C12orf42: variants seen among roughly 807,000 people sequenced by gnomAD.
C12orf42 encodes chromosome 12 open reading frame 42, also known as uncharacterized protein C12orf42.
Under a neutral mutation model 21.6 loss-of-function variants are expected in C12orf42, and 25 were observed. That is an observed-to-expected ratio of 1.16 (90% CI 0.84 to 1.62). The LOEUF (loss-of-function observed/expected upper bound fraction) is 1.62. Ranked by LOEUF, C12orf42 falls within the 40% of genes most tolerant of loss-of-function variation. The pLI is 0.00. For missense variants in C12orf42, 483 were observed against 459.3 expected (o/e 1.05, Z -0.47); for synonymous variants, 174 against 175.0 (o/e 0.99, Z 0.05).
chr12:103,280,894 A>T (rs889495151), intron 4 of C12orf42, among the ~76,000 whole-genome samples: 2 of 152,164 alleles, frequency 1.3e-5, no homozygotes, highest in African/African-American at 4.8e-5. Context: ...GAAAATGTGG[A>T]CTTCCAACAC....
chr12:103,135,775 T>C, the C12orf42 span, among the ~76,000 whole-genome samples: 2 of 152,172 alleles, frequency 1.3e-5, no homozygotes, highest in Non-Finnish European at 2.9e-5. Flanking sequence ...ATAAATGTAA[T>C]ACCTGATATC....
At chr12:103,393,543 A>G (rs1048224877) in intron 3 of C12orf42, among the ~76,000 whole-genome samples, 2 of 152,136 alleles carry the variant, frequency 1.3e-5, no homozygotes, top group African/African-American at 4.8e-5. Flanking sequence ...AGGCTCTTAT[A>G]TGACAAATAT....
At chr12:103,109,379 C>T in the C12orf42 span, among the ~76,000 whole-genome samples, 1 of 151,866 alleles carries the variant, frequency 6.6e-6, no homozygotes, top group Non-Finnish European at 1.5e-5. Context: ...AGGCACATGC[C>T]AGAGCCTGTG....
At chr12:103,105,210 G>A in the C12orf42 span, among the ~76,000 whole-genome samples, 1 of 152,066 alleles carries the variant, frequency 6.6e-6, no homozygotes, top group African/African-American at 2.4e-5. Context: ...CAATCATATG[G>A]GAGAATGATC....
chr12:103,231,349 C>A, the C12orf42 span, among the ~76,000 whole-genome samples: 1 of 152,306 alleles, frequency 6.6e-6, no homozygotes, highest in East Asian at 1.9e-4. Flanking sequence ...GGTTCACCCT[C>A]GGTGCTGTAC....
intron 2 of C12orf42, among the ~76,000 whole-genome samples, chr12:103,424,692 C>T (rs563811628): frequency 6.0e-4 from 92 of 152,320 alleles, no homozygotes; most frequent in African/African-American, 1.8e-3. Flanking sequence ...GAGATTCCCT[C>T]GGGTACCTAC....
At chr12:103,358,322 C>A (rs2043769001) in intron 4 of C12orf42, among the ~76,000 whole-genome samples, 1 of 152,014 alleles carries the variant, frequency 6.6e-6, no homozygotes, top group African/African-American at 2.4e-5. Context: ...AATTTTGTGG[C>A]ATTTTACTTA....
At chr12:103,406,351 A>G (rs1317390) in intron 2 of C12orf42, among the ~76,000 whole-genome samples, 28,135 of 152,162 alleles carry the variant, frequency 0.18, 3,091 homozygotes, top group East Asian at 0.35. Flanking sequence ...AAGAGGTTGT[A>G]TGGTCAAGAA....
At chr12:103,399,333 G>T (rs557964068) in intron 3 of C12orf42, among the ~76,000 whole-genome samples, 3 of 151,416 alleles carry the variant, frequency 2.0e-5, no homozygotes, top group Non-Finnish European at 4.4e-5. Flanking sequence ...GATTCTAAAG[G>T]CTCACTATTA....
intron 2 of C12orf42, chr12:103,431,372 C>G (rs1228790308): frequency 2.0e-5 from 3 of 152,188 alleles, no homozygotes; most frequent in Admixed American, 6.5e-5. Flanking sequence ...CGCAAAGCCA[C>G]ATGAATAGCT....
At chr12:103,488,443 C>T (rs1954979827) in intron 1 of C12orf42, among the ~76,000 whole-genome samples, 1 of 152,138 alleles carries the variant, frequency 6.6e-6, no homozygotes, top group South Asian at 2.1e-4. Flanking sequence ...GGTTGCTCTT[C>T]TTGCGGAGTA....
chr12:103,322,270 A>G (rs550351055), intron 4 of C12orf42, among the ~76,000 whole-genome samples: 193 of 152,246 alleles, frequency 1.3e-3, no homozygotes, highest in Non-Finnish European at 2.1e-3. Flanking sequence ...ACCCAAGGTG[A>G]TACCCTACCC....
Position 103,325,632 on chromosome 12 carries a change from T to C in C12orf42, c.260-19287A>G, listed in dbSNP as rs565938070. On this transcript the variant is annotated intron_variant, in intron 4 of 5. Coordinates refer to ENST00000548883, the MANE Select transcript of C12orf42 (RefSeq NM_198521.5). ...TCCTTTAATAAACATAAGTGTGTGC[T>C]TTAGCAAGCATTTGTCAACAGTTCT... Among the ~76,000 whole-genome samples, 3 of 152,350 alleles carry C rather than the reference T, an allele frequency of 2.0e-5. No homozygotes were observed. The East Asian group carries it at 5.8e-4, about 29-fold the overall frequency.
chr12:103,351,717 T>C (rs2043113974), intron 4 of C12orf42, among the ~76,000 whole-genome samples: 1 of 152,036 alleles, frequency 6.6e-6, no homozygotes, highest in Non-Finnish European at 1.5e-5. Flanking sequence ...CCCTAAGAAG[T>C]AGAGCCCATT....
intron 4 of C12orf42, among the ~76,000 whole-genome samples, chr12:103,285,131 A>G (rs566009400): frequency 1.4e-3 from 209 of 152,304 alleles, no homozygotes; most frequent in African/African-American, 4.8e-3. Context: ...AGCCTCCTGG[A>G]TACTGCTGTT....
the C12orf42 span, among the ~76,000 whole-genome samples, chr12:103,543,285 G>A: frequency 3.3e-5 from 5 of 152,146 alleles, no homozygotes; most frequent in African/African-American, 1.2e-4. Flanking sequence ...AGCAACTCAT[G>A]ACTATTTATT....
chr12:103,066,748 G>A, the C12orf42 span, among the ~76,000 whole-genome samples: 2 of 152,224 alleles, frequency 1.3e-5, no homozygotes, highest in Non-Finnish European at 2.9e-5. Flanking sequence ...TTGGTGACAA[G>A]GAAATTTGGG....
chr12:103,221,260 T>A, the C12orf42 span, among the ~76,000 whole-genome samples: 1 of 152,246 alleles, frequency 6.6e-6, no homozygotes, highest in Admixed American at 6.5e-5. Context: ...GCCACCATTT[T>A]TTTTTAAGTG....
intron 10 of C12orf42, among the ~76,000 whole-genome samples, chr12:103,257,845 A>G (rs1426461515): frequency 6.6e-6 from 1 of 151,976 alleles, no homozygotes; most frequent in Non-Finnish European, 1.5e-5. Context: ...ATTTAAAGCA[A>G]CATATTGAAA....
Sources: gnomAD v4.1 joint callset for allele counts (sites outside exome capture counted in the v4.1 genomes callset) on GRCh38, gnomAD v4.1.1 for gene constraint, MANE v1.5 for transcripts, NCBI Gene and HGNC (gene_info 2026-07-23, HGNC 2026-07-21) for gene names.